The following ZNF175 variants were observed in gnomAD, a reference collection of about 807,000 sequenced individuals.
ZNF175 encodes zinc finger protein OTK18.
ZNF175 carries 8 observed loss-of-function variants against 14.0 expected under a neutral mutation model. The observed-to-expected ratio is 0.57, with a 90% CI of 0.34 to 1.03. ZNF175 has a LOEUF of 1.03. ZNF175 is among the 50% of genes least tolerant of loss of function. The probability of loss-of-function intolerance (pLI) is 0.03; values close to 1 mark genes in which losing one functional copy is unlikely to be tolerated. For missense variants in ZNF175, 764 were observed against 849.5 expected (o/e 0.90, Z 1.25); for synonymous variants, 255 against 296.8 (o/e 0.86, Z 1.45).
intron 2 of ZNF175, among the ~76,000 whole-genome samples, chr19:51,578,740 C>T (rs1439264643): frequency 4.6e-5 from 7 of 152,150 alleles, no homozygotes; most frequent in Admixed American, 6.5e-5. Flanking sequence ...GCATTCCATC[C>T]TGGGTGACAG....
chr19:51,579,137 C>G (rs558710402), intron 2 of ZNF175, among the ~76,000 whole-genome samples: 1 of 151,946 alleles, frequency 6.6e-6, no homozygotes, highest in African/African-American at 2.4e-5. Context: ...CCTGTAATCC[C>G]AGCTACTTGG....
rs551032620 is a variant in ZNF175 at position 51,588,284 on chromosome 19, G to A, written c.1953G>A (p.Ser651=). ...KPYECLDCGK[S]FSKKPQLKVH... Reference sequence around the variant, plus strand: ...ATGAATGCCTTGACTGTGGGAAATCGTTCAGTAAGAAACCACAACTCAAGG... The same window carrying A: ...ATGAATGCCTTGACTGTGGGAAATCATTCAGTAAGAAACCACAACTCAAGG... The change falls in exon 5 of 5, where the codon TCG becomes TCA. Residue 651 remains serine (S), a synonymous_variant. Coordinates refer to ENST00000262259, the MANE Select transcript of ZNF175 (RefSeq NM_007147.4). 57 of 1,612,870 alleles carry A rather than the reference G, an allele frequency of 3.5e-5. No homozygotes were observed. Among genetic ancestry groups the A allele is most frequent in the South Asian group, 7.7e-5 (7 of 90,984 alleles).
chr19:51,574,567 T>C (rs1981708952), intron 2 of ZNF175, among the ~76,000 whole-genome samples: 1 of 152,180 alleles, frequency 6.6e-6, no homozygotes, highest in African/African-American at 2.4e-5. Context: ...ACTGAGTACG[T>C]TGACGTGGGA....
rs79112021 is a variant in ZNF175 at position 51,580,853 on chromosome 19, C to T, written c.73-538C>T. ...CCTGCATCACAGTTCTTACTTCCAGCGTAAGCTTCACCAACTCTAAGTAGC... is the reference window on the plus strand; with the variant it reads ...CCTGCATCACAGTTCTTACTTCCAGTGTAAGCTTCACCAACTCTAAGTAGC... On this transcript the variant is annotated intron_variant, in intron 2 of 4. Coordinates refer to ENST00000262259, the MANE Select transcript of ZNF175 (RefSeq NM_007147.4). Among the ~76,000 whole-genome samples, 599 of 152,298 alleles carry T rather than the reference C, an allele frequency of 3.9e-3. 28 individuals carry two copies. In the East Asian group the frequency reaches 0.079, roughly 20 times the overall value.
intron 4 of ZNF175, among the ~76,000 whole-genome samples, chr19:51,585,634 A>C (rs751034782): frequency 9.2e-5 from 14 of 152,214 alleles, no homozygotes; most frequent in Non-Finnish European, 1.6e-4. Flanking sequence ...TCAGTATTAA[A>C]ATCTGGTAGA....
chr19:51,577,168 T>C (rs760753370), intron 2 of ZNF175, among the ~76,000 whole-genome samples: 6 of 152,216 alleles, frequency 3.9e-5, no homozygotes, highest in Non-Finnish European at 8.8e-5. Context: ...TATATTTGCA[T>C]ATTTAATAGA....
chr19:51,577,709 G>GCT (rs1352911735), intron 2 of ZNF175, among the ~76,000 whole-genome samples: 21 of 145,698 alleles, frequency 1.4e-4, no homozygotes, highest in African/African-American at 5.2e-4. Flanking sequence ...TGTCGCCCAG[G>GCT]CTGGAGTGCA....
rs1345742037 is a variant in ZNF175 at position 51,589,533 on chromosome 19, T to G, written c.*1066T>G. ...GTTTACTGATCTTTATATTACAGATTTTCTCTTCTTTTAGGATTAGCTCAG... is the reference window on the plus strand; with the variant it reads ...GTTTACTGATCTTTATATTACAGATGTTCTCTTCTTTTAGGATTAGCTCAG... On this transcript the variant is annotated 3_prime_UTR_variant, in exon 5 of 5. Coordinates refer to ENST00000262259, the MANE Select transcript of ZNF175 (RefSeq NM_007147.4). 8.6e-6 allele frequency: 6 copies of G among 701,718 alleles called. No individual in the cohort carries two copies. Among genetic ancestry groups the G allele is most frequent in the Non-Finnish European group, 1.6e-5 (6 of 384,658 alleles). The allele number at this position is 701,718 out of a possible 1,614,324, so 43.5% of individuals were successfully genotyped here.
intron 2 of ZNF175, among the ~76,000 whole-genome samples, chr19:51,577,416 CT>C (rs1392773908): frequency 2.6e-5 from 4 of 152,076 alleles, no homozygotes; most frequent in Non-Finnish European, 5.9e-5. Flanking sequence ...GACCCTCTTT[CT>C]GGAAGAATTT....
intron 3 of ZNF175, 128 bp from the exon 4 acceptor site, chr19:51,581,659 C>T: frequency 1.3e-6 from 2 of 1,513,530 alleles, no homozygotes; most frequent in Non-Finnish European, 1.8e-6. Context: ...CTTTTGGGCA[C>T]CTTCTAGTAT....
At chr19:51,578,989 C>T (rs1259885420) in intron 2 of ZNF175, among the ~76,000 whole-genome samples, 2 of 152,082 alleles carry the variant, frequency 1.3e-5, no homozygotes, top group African/African-American at 2.4e-5. Flanking sequence ...TGTGGTGACT[C>T]ACACCTGTAA....
Position 51,591,184 on chromosome 19 carries a change from A to C in ZNF175, c.*2717A>C, listed in dbSNP as rs12975196. The C allele has an allele frequency of 0.35, 53,800 of 152,240 alleles. 10,013 individuals carry two copies. Among genetic ancestry groups the C allele is most frequent in the East Asian group, 0.7 (3,594 of 5,168 alleles). The allele number at this position is 152,240 out of a possible 1,614,324, so 9.4% of individuals were successfully genotyped here. On this transcript the variant is annotated 3_prime_UTR_variant, in exon 5 of 5. Coordinates refer to ENST00000262259, the MANE Select transcript of ZNF175 (RefSeq NM_007147.4). ...CTTCCGGGGCCTGTTGGCTTTAACA[A>C]CTTAGTTTCCTCCCTACCTCGCAAC...
At chr19:51,581,907 T>C (rs1379913642) in intron 4 of ZNF175, 25 bp downstream of exon 4, 1 of 1,596,620 alleles carries the variant, frequency 6.3e-7, no homozygotes, top group African/African-American at 1.3e-5. Context: ...CCCGGGCAAA[T>C]GTAGATATCT....
intron 4 of ZNF175, 26 bp from the exon 5 acceptor site, chr19:51,586,599 CTA>C (rs771556919): frequency 6.4e-7 from 1 of 1,552,962 alleles, no homozygotes; most frequent in South Asian, 1.2e-5. Flanking sequence ...TTCATTGTGT[CTA>C]TTTCATCTTC....
At chr19:51,583,527 T>G (rs1982078307) in intron 4 of ZNF175, among the ~76,000 whole-genome samples, 1 of 152,220 alleles carries the variant, frequency 6.6e-6, no homozygotes, top group Non-Finnish European at 1.5e-5. Context: ...CCCAGTGGTA[T>G]TACAACAAAC....
chr19:51,587,328 A>C lies in ZNF175; in HGVS notation c.997A>C (p.Ile333Leu). Reference sequence around the variant, plus strand: ...ATATCTGACAGATCATACAGGTGATATACCCTGTATATGCAAGGAATGTGG... The same window carrying C: ...ATATCTGACAGATCATACAGGTGATCTACCCTGTATATGCAAGGAATGTGG... ...SVYLTDHTGD[I>L]PCICKECGKV... The change falls in exon 5 of 5, where the codon ATA becomes CTA. Residue 333 changes from isoleucine to leucine, a missense_variant. Physicochemically the swap from Ile to Leu is conservative, Grantham distance 5. Transcript: ENST00000262259. The C allele has an allele frequency of 1.2e-6, 2 of 1,614,210 alleles. No homozygotes were observed. The highest frequency in any genetic ancestry group is 1.7e-6 in the Non-Finnish European group (2 of 1,180,020).
rs1003929648 is a variant in ZNF175 at position 51,592,492 on chromosome 19, G to A, written c.*4025G>A. The stretch of plus-strand genomic sequence containing the variant: ...GGAATTTCATTAAATCTGAAATAAA[G>A]GTATTTTGAGAAATTGAATTCCGTT... On this transcript the variant is annotated 3_prime_UTR_variant, in exon 5 of 5. Coordinates refer to ENST00000262259, the MANE Select transcript of ZNF175 (RefSeq NM_007147.4). 2 of 557,422 alleles carry A rather than the reference G, an allele frequency of 3.6e-6. No individual in the cohort carries two copies. The highest frequency in any genetic ancestry group is 2.6e-5 in the South Asian group (1 of 39,036). 34.5% of individuals were successfully genotyped at this position (557,422 alleles called of 1,614,324 possible).
intron 2 of ZNF175, among the ~76,000 whole-genome samples, chr19:51,577,660 TC>T (rs1981833371): frequency 1.5e-5 from 2 of 136,692 alleles, no homozygotes; most frequent in African/African-American, 5.4e-5. Flanking sequence ...CTCCTTTCTC[TC>T]TCTTTTTTTT....
At position 51,588,459 on chromosome 19, in the gene ZNF175, A is replaced by G; in HGVS notation, c.2128A>G (p.Lys710Glu). 1.3e-6 allele frequency: 2 copies of G among 1,546,000 alleles called. No individual in the cohort carries two copies. Among genetic ancestry groups the G allele is most frequent in the Non-Finnish European group, 1.7e-6 (2 of 1,152,026 alleles). The change falls in exon 5 of 5, where the codon AAG becomes GAG. Residue 710 changes from lysine to glutamate, a missense_variant. Physicochemically the swap from Lys to Glu is moderately conservative, Grantham distance 56. Coordinates refer to ENST00000262259, the MANE Select transcript of ZNF175 (RefSeq NM_007147.4). ...KCSYSVKGFT[K>E]Q ...CAGTTATTCTGTGAAAGGCTTTACC[A>G]AGCAATGAATTCCTAGTGCATCAGC...
Sources: allele counts gnomAD v4.1 joint callset (sites outside exome capture counted in the v4.1 genomes callset), GRCh38; gene constraint gnomAD v4.1.1; transcripts MANE v1.5; gene names NCBI Gene and HGNC (gene_info 2026-07-23, HGNC 2026-07-21).